The following PPP4R2 variants were observed in gnomAD, a reference collection of about 807,000 sequenced individuals.
PPP4R2 encodes serine/threonine-protein phosphatase 4 regulatory subunit 2.
In PPP4R2, 13 loss-of-function variants were observed where a neutral mutation model predicts 47.2. The ratio of observed to expected loss-of-function variants is 0.28; its 90% CI spans 0.18 to 0.44. The LOEUF (loss-of-function observed/expected upper bound fraction) is 0.44, where lower values mean the gene tolerates loss of function less well. Among genes scored for constraint, PPP4R2 ranks in the 20% least tolerant of loss-of-function variants. The pLI is 1.00. For missense variants in PPP4R2, 421 were observed against 491.2 expected, an observed-to-expected ratio of 0.86 and a Z score of 1.35; for synonymous variants, 151 against 163.3, an observed-to-expected ratio of 0.92 and a Z score of 0.57.
chr3:73,004,871 T>G (rs9859410), intron 2 of PPP4R2, among the ~76,000 whole-genome samples: 15,232 of 46,214 alleles, frequency 0.33, 947 homozygotes, highest in East Asian at 0.48. Context: ...GTGTGTGTGT[T>G]TGTTTGTTTG....
chr3:73,062,172 C>T, intron 5 of PPP4R2: 2 of 1,552,446 alleles, frequency 1.3e-6, no homozygotes, highest in Non-Finnish European at 1.7e-6. Context: ...ATCTTTTAGA[C>T]CTATGATTCT....
chr3:73,011,459 C>T (rs1208998303), intron 2 of PPP4R2, among the ~76,000 whole-genome samples: 4 of 151,606 alleles, frequency 2.6e-5, no homozygotes, highest in South Asian at 2.1e-4. Flanking sequence ...CCAGCTTGGG[C>T]GAAAGGGTGA....
intron 2 of PPP4R2, among the ~76,000 whole-genome samples, chr3:73,005,337 CTTT>C (rs34629247): frequency 1.3e-4 from 17 of 128,150 alleles, no homozygotes; most frequent in African/African-American, 1.5e-4. Context: ...ATGGTGTGGT[CTTT>C]TTTTTTTTTT....
intron 3 of PPP4R2, among the ~76,000 whole-genome samples, chr3:73,051,204 C>T (rs552627270): frequency 4.6e-5 from 7 of 152,172 alleles, no homozygotes; most frequent in South Asian, 4.1e-4. Context: ...CATGAGCCAC[C>T]GCACCTGGCC....
intron 2 of PPP4R2, among the ~76,000 whole-genome samples, chr3:73,038,751 G>C (rs1042241373): frequency 6.6e-6 from 1 of 152,172 alleles, no homozygotes. Context: ...GGGAGAGGTG[G>C]ATGAATAGGT....
chr3:73,003,971 A>G (rs145126020), intron 2 of PPP4R2, among the ~76,000 whole-genome samples: 301 of 152,240 alleles, frequency 2.0e-3, no homozygotes, highest in African/African-American at 7.0e-3. Context: ...AAGTGCTGGG[A>G]TTACAGGCGT....
chr3:73,052,175 AGTAT>A (rs1702627834), intron 3 of PPP4R2, among the ~76,000 whole-genome samples: 1 of 151,688 alleles, frequency 6.6e-6, no homozygotes, highest in African/African-American at 2.4e-5. Flanking sequence ...AAAGAATAAA[AGTAT>A]ATTTATATCT....
At chr3:72,999,933 C>T (rs1701425261) in intron 2 of PPP4R2, among the ~76,000 whole-genome samples, 1 of 152,158 alleles carries the variant, frequency 6.6e-6, no homozygotes, top group Non-Finnish European at 1.5e-5. Flanking sequence ...ATCAACATGG[C>T]ATATCTTTGA....
At chr3:73,023,214 G>A (rs540957985) in intron 2 of PPP4R2, among the ~76,000 whole-genome samples, 57 of 150,280 alleles carry the variant, frequency 3.8e-4, no homozygotes, top group South Asian at 2.1e-4. Context: ...ATGGAATTTC[G>A]CTCTTGTTGC....
intron 3 of PPP4R2, among the ~76,000 whole-genome samples, chr3:73,050,547 C>T (rs1702589550): frequency 6.6e-6 from 1 of 152,034 alleles, no homozygotes; most frequent in Non-Finnish European, 1.5e-5. Context: ...ATACACTCCT[C>T]CCCCCATTTG....
At chr3:73,047,083 A>ATC (rs1322002714) in intron 2 of PPP4R2, 103 bp from the exon 3 acceptor site, 4 of 641,144 alleles carry the variant, frequency 6.2e-6, no homozygotes, top group Non-Finnish European at 1.0e-5. Flanking sequence ...TCACATCTTA[A>ATC]TTTTGTTAGT....
Position 73,063,731 on chromosome 3 carries a change from C to T in PPP4R2, c.478C>T (p.Pro160Ser), listed in dbSNP as rs752081160. The T allele has an allele frequency of 1.3e-5, 20 of 1,587,686 alleles. No homozygotes were observed. The highest frequency in any genetic ancestry group is 1.6e-5 in the Non-Finnish European group (19 of 1,156,650). ...TGGTGTTATGTTTCCTGGAAATTCA[C>T]CAAGCTATACTGAGAGGTGAGATTC... The part of the protein sequence containing the change: ...MNGVMFPGNS[P>S]SYTERSNING... Residue 160 changes from proline (P) to serine (S), a missense_variant, in exon 6 of 9, where the codon CCA becomes TCA. Around this residue, in one of 2 missense-constraint regions of PPP4R2, gnomAD observed 104 missense variants for 203.7 expected, o/e 0.51. Transcript: ENST00000356692.
rs1179339642 is a variant in PPP4R2 at position 73,047,238 on chromosome 3, A to T, written c.169A>T (p.Met57Leu). The change falls in exon 3 of 9, where the codon ATG becomes TTG. Residue 57 changes from methionine (M) to leucine (L), a missense_variant. Met to Leu is a conservative substitution (Grantham distance 15). This residue lies in a region of PPP4R2 where 104 missense variants were observed against 203.7 expected (regional missense o/e 0.51). Coordinates refer to ENST00000356692, the MANE Select transcript of PPP4R2 (RefSeq NM_174907.4). ...TTTTATTTTCAAACTGGAGAAAGTG[A>T]TGGATGATTTCAGAACTTCAGCTCC... is the stretch of plus-strand genomic sequence containing the variant. The part of the protein sequence containing the change: ...GYFIFKLEKV[M>L]DDFRTSAPEP... 6.2e-7 allele frequency: 1 copy of T among 1,601,902 alleles called. No individual in the cohort carries two copies. The highest frequency in any genetic ancestry group is 2.2e-5 in the East Asian group (1 of 44,616).
chr3:73,062,926 C>T (rs1265073803), intron 5 of PPP4R2: 1 of 1,581,008 alleles, frequency 6.3e-7, no homozygotes. Flanking sequence ...AGATGACAAC[C>T]TATTAATGCT....
chr3:73,045,903 TAAAG>T (rs1455411770), intron 2 of PPP4R2, among the ~76,000 whole-genome samples: 2 of 152,192 alleles, frequency 1.3e-5, no homozygotes, highest in East Asian at 3.9e-4. Context: ...GCGGTCTAAA[TAAAG>T]GTATTGTTCT....
intron 2 of PPP4R2, among the ~76,000 whole-genome samples, chr3:73,018,882 C>T (rs766020364): frequency 2.0e-5 from 3 of 152,122 alleles, no homozygotes; most frequent in Non-Finnish European, 2.9e-5. Context: ...ATATTTCTGA[C>T]ATGTATCAAT....
At chr3:73,060,151 C>T (rs972042178) in intron 4 of PPP4R2, among the ~76,000 whole-genome samples, 3 of 152,124 alleles carry the variant, frequency 2.0e-5, no homozygotes, top group Non-Finnish European at 4.4e-5. Flanking sequence ...TTATTTTACC[C>T]TGGGAACAGG....
intron 2 of PPP4R2, among the ~76,000 whole-genome samples, chr3:73,028,980 T>C (rs896657888): frequency 4.6e-5 from 7 of 152,112 alleles, no homozygotes; most frequent in African/African-American, 1.7e-4. Flanking sequence ...ACAGTCTCAC[T>C]CTGTCATGCA....
rs1380183437 is a variant in PPP4R2, at chr3:73,068,825, T to A, written c.*3103T>A. 1 of 152,226 alleles carries A rather than the reference T, an allele frequency of 6.6e-6. No homozygotes were observed. 9.4% of individuals were successfully genotyped at this position (152,226 alleles called of 1,614,324 possible). A position where few individuals can be genotyped will look rare whatever the true frequency, so the allele number is the denominator to read the frequency against. On this transcript the variant is annotated 3_prime_UTR_variant, in exon 9 of 9. Coordinates refer to ENST00000356692, the MANE Select transcript of PPP4R2 (RefSeq NM_174907.4). Reference sequence around the variant, plus strand: ...ACAATGTTTGATTATGAAAAAAATGTAACATGGTAAGGATGAAAATGCAAC... The same window carrying A: ...ACAATGTTTGATTATGAAAAAAATGAAACATGGTAAGGATGAAAATGCAAC...
Sources: allele counts gnomAD v4.1 joint callset (sites outside exome capture counted in the v4.1 genomes callset), GRCh38; gene constraint gnomAD v4.1.1; regional missense constraint gnomAD v4.1.1; transcripts MANE v1.5; gene names NCBI Gene and HGNC (gene_info 2026-07-23, HGNC 2026-07-21).